The following IL17B variants were observed in gnomAD, a reference collection of about 807,000 sequenced individuals.
IL17B encodes interleukin 17B.
In IL17B, 14 loss-of-function variants were observed where a neutral mutation model predicts 14.7. The observed-to-expected ratio is 0.95, with a 90% CI of 0.63 to 1.49. The LOEUF (loss-of-function observed/expected upper bound fraction) is 1.49, where lower values mean the gene tolerates loss of function less well. IL17B is among the 40% of genes most tolerant of loss of function. The pLI is 0.00. For synonymous variants in IL17B, 105 were observed against 94.8 expected, an observed-to-expected ratio of 1.11 and a Z score of -0.62; for missense variants, 233 against 252.8, an observed-to-expected ratio of 0.92 and a Z score of 0.53.
upstream of IL17B, chr5:149,379,312 G>A (rs528674664): frequency 3.7e-3 from 5,750 of 1,534,646 alleles, 14 homozygotes; most frequent in Non-Finnish European, 4.5e-3. Context: ...AGGATGGAGC[G>A]AAGCAATTAT....
intron 1 of IL17B, among the ~76,000 whole-genome samples, chr5:149,391,501 C>T (rs1009466448): frequency 1.3e-5 from 2 of 152,180 alleles, no homozygotes; most frequent in Non-Finnish European, 2.9e-5. Context: ...GGAATTCTTC[C>T]CAATTTTAGA....
intron 1 of IL17B, among the ~76,000 whole-genome samples, chr5:149,385,861 C>G (rs1372006024): frequency 6.6e-6 from 1 of 152,158 alleles, no homozygotes; most frequent in Non-Finnish European, 1.5e-5. Context: ...TCCTCTTCAG[C>G]CCCCCAGAGC....
At position 149,374,774 on chromosome 5, in the gene IL17B, A is replaced by T; in HGVS notation, c.312-174T>A. On this transcript the variant is annotated intron_variant, in intron 2 of 2. Coordinates refer to ENST00000261796, the MANE Select transcript of IL17B (RefSeq NM_014443.3). The surrounding 1 kb of genome is among the most constrained non-coding windows in gnomAD (Gnocchi z 5.0). Reference sequence around the variant, plus strand: ...CATGTTCCACGTGAGGAAACTGAAGATCATGGAAGGCAAGTCGAGAGCCCC... The same window carrying T: ...CATGTTCCACGTGAGGAAACTGAAGTTCATGGAAGGCAAGTCGAGAGCCCC... The T allele has an allele frequency of 1.7e-6, 1 of 580,178 alleles. No individual in the cohort carries two copies. The highest frequency in any genetic ancestry group is 3.0e-6 in the Non-Finnish European group (1 of 330,430). 35.9% of individuals were successfully genotyped at this position (580,178 alleles called of 1,614,324 possible).
intron 2 of IL17B, among the ~76,000 whole-genome samples, chr5:149,375,313 C>T (rs1192362959): frequency 6.6e-6 from 1 of 152,202 alleles, no homozygotes; most frequent in Non-Finnish European, 1.5e-5. Flanking sequence ...TTTGTGACCT[C>T]TCCTTTTCTG....
chr5:149,380,267 A>G (rs762095993), upstream of IL17B, among the ~76,000 whole-genome samples: 1 of 152,210 alleles, frequency 6.6e-6, no homozygotes, highest in Non-Finnish European at 1.5e-5. Flanking sequence ...TATAAGGAAT[A>G]AAGGAAATCA....
upstream of IL17B, among the ~76,000 whole-genome samples, chr5:149,382,124 T>C (rs1385612114): frequency 2.0e-5 from 3 of 152,206 alleles, no homozygotes. Flanking sequence ...ACTTGCACTC[T>C]GCCACCTCTT....
At chr5:149,388,826 C>A (rs568192826) in intron 1 of IL17B, among the ~76,000 whole-genome samples, 20 of 152,364 alleles carry the variant, frequency 1.3e-4, no homozygotes, top group African/African-American at 4.6e-4. Flanking sequence ...GGTCTGTAGA[C>A]AACAGATCTG....
At chr5:149,385,717 A>G (rs574952488) in intron 1 of IL17B, among the ~76,000 whole-genome samples, 2 of 152,322 alleles carry the variant, frequency 1.3e-5, no homozygotes, top group Non-Finnish European at 2.9e-5. Flanking sequence ...CTGGATTCAC[A>G]AGATCTGGAA....
chr5:149,388,824 G>A (rs1051173364), intron 1 of IL17B, among the ~76,000 whole-genome samples: 2 of 152,224 alleles, frequency 1.3e-5, no homozygotes, highest in African/African-American at 4.8e-5. Flanking sequence ...GAGGTCTGTA[G>A]ACAACAGATC....
chr5:149,380,974 C>T (rs1758680916), upstream of IL17B, among the ~76,000 whole-genome samples: 1 of 152,208 alleles, frequency 6.6e-6, no homozygotes, highest in East Asian at 1.9e-4. Flanking sequence ...CAACAAGGGC[C>T]CCGCCCCCAC....
chr5:149,378,093 G>A (rs186271681), intron 1 of IL17B, among the ~76,000 whole-genome samples: 162 of 151,718 alleles, frequency 1.1e-3, no homozygotes, highest in African/African-American at 3.6e-3. Context: ...GCAGTGAGCC[G>A]AGATCACACC....
upstream of IL17B, chr5:149,379,308 G>T: frequency 6.5e-7 from 1 of 1,549,936 alleles, no homozygotes; most frequent in East Asian, 2.3e-5. Context: ...CAACAGGATG[G>T]AGCGAAGCAA....
rs567558461 is a variant in IL17B at position 149,396,721 on chromosome 5, C to T, written n.95+7387G>A. 2.0e-5 allele frequency among the ~76,000 whole-genome samples: 3 copies of T among 152,250 alleles called. No homozygotes were observed. In the South Asian group the frequency reaches 6.2e-4, roughly 32 times the overall value. On this transcript the variant is annotated intron_variant and non_coding_transcript_variant, in intron 1 of 2. Transcript: ENST00000505432. ...GAGGCTGCAGTGTGCCATGATCGCA[C>T]CATTGCACTCCAACCTGGGCGACAG...
chr5:149,396,585 A>G (rs1759095297), intron 1 of IL17B, among the ~76,000 whole-genome samples: 1 of 152,084 alleles, frequency 6.6e-6, no homozygotes, highest in Non-Finnish European at 1.5e-5. Context: ...GAGAAATCCC[A>G]TCTCTACAAA....
At chr5:149,379,178 G>A (rs1233426337) in intron 1 of IL17B, 27 bp downstream of exon 1, 2 of 1,613,874 alleles carry the variant, frequency 1.2e-6, no homozygotes, top group South Asian at 2.2e-5. Context: ...AAAAGGGGTG[G>A]GGGTGCGGCA....
At chr5:149,378,149 A>T (rs1303911165) in intron 1 of IL17B, among the ~76,000 whole-genome samples, 1 of 152,202 alleles carries the variant, frequency 6.6e-6, no homozygotes, top group Non-Finnish European at 1.5e-5. Flanking sequence ...TCTCAAAAAA[A>T]AGAAAAAAGA....
chr5:149,390,624 C>CAGAGAG (rs1461041394), intron 1 of IL17B, among the ~76,000 whole-genome samples: 3 of 144,822 alleles, frequency 2.1e-5, no homozygotes, highest in African/African-American at 8.0e-5. Context: ...CACACACACA[C>CAGAGAG]ACACACAGAG....
upstream of IL17B, among the ~76,000 whole-genome samples, chr5:149,379,564 A>G (rs1055101502): frequency 6.6e-6 from 1 of 152,242 alleles, no homozygotes; most frequent in Non-Finnish European, 1.5e-5. Context: ...GCCAGCACCC[A>G]CAGGGCCAGC....
intron 1 of IL17B, among the ~76,000 whole-genome samples, chr5:149,388,287 G>A (rs944107955): frequency 6.6e-6 from 1 of 152,164 alleles, no homozygotes; most frequent in East Asian, 1.9e-4. Context: ...CCATCACATG[G>A]CTATGTTCAT....
Sources: allele counts gnomAD v4.1 joint callset (sites outside exome capture counted in the v4.1 genomes callset), GRCh38; gene constraint gnomAD v4.1.1; non-coding constraint Gnocchi (gnomAD v3.1); transcripts MANE v1.5; gene names NCBI Gene and HGNC (gene_info 2026-07-23, HGNC 2026-07-21).